Variants in SND1 observed in about 807,000 individuals in gnomAD.
SND1 encodes the protein staphylococcal nuclease domain-containing protein 1.
A neutral mutation model predicts 121.7 loss-of-function variants in SND1; 38 were observed. The observed-to-expected ratio is 0.31, with a 90% confidence interval of 0.24 to 0.41. The LOEUF (loss-of-function observed/expected upper bound fraction) is 0.41. SND1 is among the 10% of genes least tolerant of loss of function. The pLI is 1.00. For synonymous variants in SND1, 401 were observed against 447.4 expected, an observed-to-expected ratio of 0.90 and a Z score of 1.31; for missense variants, 868 against 1,184.6, an observed-to-expected ratio of 0.73 and a Z score of 3.92.
rs554605668 is a variant in SND1, at chr7:127,828,920, G to T, written c.1243-15404G>T. Among the ~76,000 whole-genome samples, 14 of 152,298 alleles carry T rather than the reference G, an allele frequency of 9.2e-5. No individual in the cohort carries two copies. The South Asian group carries it at 2.9e-3, about 32-fold the overall frequency. On this transcript the variant is annotated intron_variant, in intron 11 of 23. Coordinates refer to ENST00000354725, the MANE Select transcript of SND1 (RefSeq NM_014390.4). ...TTGTTTATTGCTTTACTCCTGTCTT[G>T]TAGAAGAATTTATCATTAGTTTTCC... is the stretch of plus-strand genomic sequence containing the variant.
chr7:127,903,339 A>G (rs1214404631), intron 13 of SND1, among the ~76,000 whole-genome samples: 1 of 152,128 alleles, frequency 6.6e-6, no homozygotes, highest in East Asian at 1.9e-4. Context: ...TGCCATTTCT[A>G]AAGCTGAAGC....
At chr7:128,000,023 C>CCTCTGTAAT (rs1172760879) in intron 16 of SND1, 2 of 148,286 alleles carry the variant, frequency 1.3e-5, no homozygotes, top group Non-Finnish European at 3.0e-5. Flanking sequence ...GTTTCTCTTA[C>CCTCTGTAAT]CTCTGTAATC....
chr7:127,848,279 C>G (rs1272375433), intron 12 of SND1, among the ~76,000 whole-genome samples: 2 of 152,186 alleles, frequency 1.3e-5, no homozygotes, highest in African/African-American at 4.8e-5. Flanking sequence ...TCTTTGTGTG[C>G]TTGTATTTCA....
intron 17 of SND1, among the ~76,000 whole-genome samples, chr7:128,077,594 G>T (rs958868485): frequency 5.3e-5 from 8 of 152,236 alleles, no homozygotes; most frequent in African/African-American, 1.7e-4. Flanking sequence ...CCCACCAGGG[G>T]CAGAGCTCCA....
intron 15 of SND1, among the ~76,000 whole-genome samples, chr7:127,942,395 C>T (rs1801233751): frequency 1.3e-5 from 2 of 152,058 alleles, no homozygotes; most frequent in Admixed American, 1.3e-4. Context: ...TTGCTCTTGC[C>T]AGATGGTACA....
In SND1 at chr7:128,087,065, C is replaced by G. The variant is rs1584782145; in HGVS notation, c.2418+14C>G. 6.3e-7 allele frequency: 1 copy of G among 1,596,796 alleles called. No individual in the cohort carries two copies. Among genetic ancestry groups the G allele is most frequent in the Non-Finnish European group, 8.6e-7 (1 of 1,164,934 alleles). On this transcript the variant is annotated intron_variant, in intron 21 of 23. Coordinates refer to ENST00000354725, the MANE Select transcript of SND1 (RefSeq NM_014390.4). ...GTGCCCCAAGATGTGAGTCTGGAGT[C>G]TTCCTCCTTCCAAAGGGGACTATCC... is the stretch of plus-strand genomic sequence containing the variant.
rs961128952 is a variant in SND1, at chr7:127,865,588, AT to A, written c.1343+21174del. Among the ~76,000 whole-genome samples, 26 of 149,526 alleles carry A rather than the reference AT, an allele frequency of 1.7e-4. No homozygotes were observed. In the East Asian group the frequency reaches 3.1e-3, roughly 18 times the overall value. On this transcript the variant is annotated intron_variant, in intron 12 of 23. Transcript: ENST00000354725. ...TCTAAGGGACTGTCTTGATTCTGTA[AT>A]TTTTTTTTTCTCCTTTGTGGTTTTG...
At chr7:127,956,379 C>T (rs1187134042) in intron 15 of SND1, among the ~76,000 whole-genome samples, 1 of 152,188 alleles carries the variant, frequency 6.6e-6, no homozygotes, top group African/African-American at 2.4e-5. Flanking sequence ...ACTTTGTCTC[C>T]AGGAGTAAGT....
Position 127,887,894 on chromosome 7 carries a change from T to C in SND1, c.1344-8T>C, listed in dbSNP as rs774681724. 1 of 1,603,614 alleles carries C rather than the reference T, an allele frequency of 6.2e-7. No homozygotes were observed. Among genetic ancestry groups the C allele is most frequent in the Non-Finnish European group, 8.5e-7 (1 of 1,171,594 alleles). On this transcript the variant is annotated splice_polypyrimidine_tract_variant and splice_region_variant and intron_variant, in intron 12 of 23. Coordinates refer to ENST00000354725, the MANE Select transcript of SND1 (RefSeq NM_014390.4). ...CTAGTGCTCACTGACCTATCTTTTCTGTTGCAGAAACATTGCTGAGGCTCT... is the reference window on the plus strand; with the variant it reads ...CTAGTGCTCACTGACCTATCTTTTCCGTTGCAGAAACATTGCTGAGGCTCT...
chr7:128,058,206 C>T (rs184930367), intron 16 of SND1, among the ~76,000 whole-genome samples: 1 of 152,394 alleles, frequency 6.6e-6, no homozygotes, highest in East Asian at 1.9e-4. Context: ...CAACAGAGCT[C>T]AGTCACTCTG....
At chr7:127,878,712 A>G (rs370184155) in intron 12 of SND1, among the ~76,000 whole-genome samples, 5 of 152,104 alleles carry the variant, frequency 3.3e-5, no homozygotes, top group African/African-American at 1.2e-4. Flanking sequence ...TGGGCTTTAA[A>G]TTGTTAATCA....
chr7:128,050,921 C>G (rs1354472275), intron 16 of SND1, among the ~76,000 whole-genome samples: 1 of 152,246 alleles, frequency 6.6e-6, no homozygotes, highest in Non-Finnish European at 1.5e-5. Context: ...CCTCTGAGCT[C>G]TTTTCTGTGT....
intron 16 of SND1, among the ~76,000 whole-genome samples, chr7:128,067,992 C>T (rs1010633567): frequency 2.6e-5 from 4 of 152,118 alleles, no homozygotes; most frequent in African/African-American, 9.7e-5. Flanking sequence ...GAAGCAGCCT[C>T]CAGTGCACCT....
rs185458988 is a variant in SND1, at chr7:128,069,219, A to G, written c.1780-5283A>G. 1.1e-4 allele frequency among the ~76,000 whole-genome samples: 16 copies of G among 152,296 alleles called. No homozygotes were observed. In the East Asian group the frequency reaches 2.9e-3, roughly 28 times the overall value. On this transcript the variant is annotated intron_variant, in intron 16 of 23. Transcript: ENST00000354725. The stretch of plus-strand genomic sequence containing the variant: ...CTTTCAGAGTCAGGGAGAATAAAGG[A>G]GCTCATTAAGCAGGGATTGGCCATT...
At chr7:128,033,157 G>A (rs910856590) in intron 16 of SND1, among the ~76,000 whole-genome samples, 2 of 152,330 alleles carry the variant, frequency 1.3e-5, no homozygotes, top group South Asian at 2.1e-4. Context: ...CTGCGTAGCA[G>A]CCAGGGGTAG....
rs1167759862 is a variant in SND1, at chr7:128,009,976, AAAG to A, written c.1779+18924_1779+18926del. Among the ~76,000 whole-genome samples, 4 of 152,320 alleles carry A rather than the reference AAAG, an allele frequency of 2.6e-5. No individual in the cohort carries two copies. The East Asian group carries it at 7.7e-4, about 29-fold the overall frequency. ...CAAGTGTTTCCCACTCCCAGAGAGA[AAAG>A]AAGGGAATGGCTTTGGATCTCTGGC... On this transcript the variant is annotated intron_variant, in intron 16 of 23. Transcript: ENST00000354725.
intron 11 of SND1, among the ~76,000 whole-genome samples, chr7:127,812,699 A>G (rs1400892963): frequency 6.6e-6 from 1 of 151,964 alleles, no homozygotes; most frequent in East Asian, 1.9e-4. Context: ...CCAGTTTTTC[A>G]CTCTGCTAGT....
chr7:127,908,841 T>C (rs1017967915), intron 14 of SND1, among the ~76,000 whole-genome samples: 2 of 152,172 alleles, frequency 1.3e-5, no homozygotes, highest in African/African-American at 4.8e-5. Context: ...TGCTCCGTAA[T>C]AAATACAATC....
chr7:127,671,323 A>T (rs1006019616), intron 1 of SND1, among the ~76,000 whole-genome samples: 1 of 152,100 alleles, frequency 6.6e-6, no homozygotes, highest in Non-Finnish European at 1.5e-5. Context: ...CTGCCTTATC[A>T]TCCTCTCTAT....
Sources: gnomAD v4.1 joint callset for allele counts (sites outside exome capture counted in the v4.1 genomes callset) on GRCh38, gnomAD v4.1.1 for gene constraint, MANE v1.5 for transcripts, NCBI Gene and HGNC (gene_info 2026-07-23, HGNC 2026-07-21) for gene names.